RERE: variants seen among roughly 807,000 people sequenced by gnomAD.
The protein encoded by RERE is arginine-glutamic acid dipeptide repeats.
A neutral mutation model predicts 146.1 loss-of-function variants in RERE; 40 were observed. The ratio of observed to expected loss-of-function variants is 0.27; its 90% CI spans 0.21 to 0.36. The LOEUF (loss-of-function observed/expected upper bound fraction) is 0.36. RERE is among the 10% of genes least tolerant of loss of function. The pLI, the probability that RERE is intolerant of heterozygous loss-of-function variation, is 1.00. For missense variants in RERE, 1,933 were observed against 2,138.7 expected (o/e 0.90, Z 1.90); for synonymous variants, 1,003 against 866.0 (o/e 1.16, Z -2.78).
intron 3 of RERE, among the ~76,000 whole-genome samples, chr1:8,615,479 G>T (rs774652098): frequency 6.6e-6 from 1 of 152,170 alleles, no homozygotes; most frequent in Non-Finnish European, 1.5e-5. Context: ...GTATACCTCA[G>T]ATAACAGTTT....
chr1:8,373,810 G>A (rs1368517205), intron 12 of RERE, among the ~76,000 whole-genome samples: 2 of 152,196 alleles, frequency 1.3e-5, no homozygotes, highest in African/African-American at 2.4e-5. Flanking sequence ...GTGAGAAGCC[G>A]GGCACTGGGC....
intron 2 of RERE, among the ~76,000 whole-genome samples, chr1:8,653,496 A>G (rs1009712396): frequency 3.3e-5 from 5 of 152,182 alleles, no homozygotes; most frequent in South Asian, 4.1e-4. Context: ...TCACGAGGTC[A>G]GGAGATCGAG....
At chr1:8,723,830 C>A (rs938304719) in intron 1 of RERE, among the ~76,000 whole-genome samples, 2 of 152,314 alleles carry the variant, frequency 1.3e-5, no homozygotes, top group Non-Finnish European at 2.9e-5. Context: ...AAACCAGAAA[C>A]AACCTACTTT....
intron 1 of RERE, among the ~76,000 whole-genome samples, chr1:8,809,157 A>AAAAAAAAAAAAAATAAATAAAT (rs985140466): frequency 2.1e-5 from 3 of 146,122 alleles, no homozygotes; most frequent in African/African-American, 8.3e-5. Context: ...AAAAAAAAAA[A>AAAAAAAAAAAAAATAAATAAAT]AAAGTACTGA....
At chr1:8,721,398 G>A (rs1358178083) in intron 1 of RERE, among the ~76,000 whole-genome samples, 2 of 152,040 alleles carry the variant, frequency 1.3e-5, no homozygotes, top group African/African-American at 2.4e-5. Context: ...TGTAACCTCC[G>A]TCTCCTAGGT....
At chr1:8,551,884 A>T (rs978812455) in intron 6 of RERE, among the ~76,000 whole-genome samples, 1 of 152,220 alleles carries the variant, frequency 6.6e-6, no homozygotes, top group Non-Finnish European at 1.5e-5. Context: ...ATTATACCAC[A>T]ATGCCAGCCA....
chr1:8,476,695 A>C (rs2124166667), intron 10 of RERE, among the ~76,000 whole-genome samples: 1 of 152,344 alleles, frequency 6.6e-6, no homozygotes, highest in Non-Finnish European at 1.5e-5. Flanking sequence ...GAACAGCAAC[A>C]ACCACATAAA....
intron 7 of RERE, among the ~76,000 whole-genome samples, chr1:8,531,125 C>A (rs181175851): frequency 3.9e-5 from 6 of 152,094 alleles, no homozygotes; most frequent in African/African-American, 1.4e-4. Flanking sequence ...ATCCATCCAT[C>A]CATCCATCCA....
intron 1 of RERE, among the ~76,000 whole-genome samples, chr1:8,662,028 T>C (rs965068293): frequency 3.3e-5 from 5 of 152,230 alleles, no homozygotes; most frequent in African/African-American, 4.8e-5. Flanking sequence ...CTCTCAATCA[T>C]TTCCTGATTA....
rs546879733 is a variant in RERE, at chr1:8,664,490, A to T, written c.-144-8049T>A. ...CCCCTTCAGCTTCAGACACATGTGA[A>T]AACTGTTCACCTGGGGTCTCTTCTT... On this transcript the variant is annotated intron_variant, in intron 1 of 22. Transcript: ENST00000400908. Among the ~76,000 whole-genome samples, 5 of 152,334 alleles carry T rather than the reference A, an allele frequency of 3.3e-5. No individual in the cohort carries two copies. In the South Asian group the frequency reaches 6.2e-4, roughly 19 times the overall value.
intron 8 of RERE, among the ~76,000 whole-genome samples, chr1:8,501,396 C>T (rs1570350080): frequency 1.3e-5 from 1 of 77,540 alleles, no homozygotes; most frequent in South Asian, 4.2e-4. Flanking sequence ...GTCAGCCCCC[C>T]GCCCGGCCAG....
At chr1:8,737,862 G>C (rs943109302) in intron 1 of RERE, among the ~76,000 whole-genome samples, 1 of 152,158 alleles carries the variant, frequency 6.6e-6, no homozygotes, top group Non-Finnish European at 1.5e-5. Context: ...GAAAGCTTAA[G>C]CAAAATGTTA....
intron 4 of RERE, among the ~76,000 whole-genome samples, chr1:8,567,702 T>C (rs1247089879): frequency 1.3e-5 from 2 of 152,338 alleles, no homozygotes; most frequent in East Asian, 1.9e-4. Context: ...TTCATTCTTG[T>C]ATTTGTTTGT....
At chr1:8,650,930 T>C (rs996474446) in intron 2 of RERE, among the ~76,000 whole-genome samples, 1 of 147,800 alleles carries the variant, frequency 6.8e-6, no homozygotes, top group Non-Finnish European at 1.5e-5. Context: ...ATTAAATAAA[T>C]AAATAAATAA....
intron 1 of RERE, among the ~76,000 whole-genome samples, chr1:8,774,566 C>G (rs1452871902): frequency 6.6e-6 from 1 of 151,902 alleles, no homozygotes; most frequent in Non-Finnish European, 1.5e-5. Flanking sequence ...TTGTGTCAGG[C>G]TGGTCTTGAA....
intron 12 of RERE, among the ~76,000 whole-genome samples, chr1:8,401,269 A>C (rs565484424): frequency 7.2e-6 from 1 of 138,168 alleles, no homozygotes; most frequent in African/African-American, 2.9e-5. Context: ...CGGCCAAGAC[A>C]GTATCTCCCA....
At chr1:8,415,109 A>T (rs1355878927) in intron 12 of RERE, among the ~76,000 whole-genome samples, 1 of 152,226 alleles carries the variant, frequency 6.6e-6, no homozygotes, top group Non-Finnish European at 1.5e-5. Context: ...TATTTTTAAA[A>T]TATCAGCAAA....
chr1:8,433,262 C>T (rs977823504), intron 11 of RERE, among the ~76,000 whole-genome samples: 1 of 152,130 alleles, frequency 6.6e-6, no homozygotes. Flanking sequence ...ATGGAACAGT[C>T]GTAAAGCAGG....
intron 4 of RERE, among the ~76,000 whole-genome samples, chr1:8,589,511 G>C (rs1470011908): frequency 6.6e-6 from 1 of 152,150 alleles, no homozygotes; most frequent in Non-Finnish European, 1.5e-5. Context: ...TAAATTCCAA[G>C]TATTTACTCA....
Sources: gnomAD v4.1 joint callset for allele counts (sites outside exome capture counted in the v4.1 genomes callset) on GRCh38, gnomAD v4.1.1 for gene constraint, MANE v1.5 for transcripts, NCBI Gene and HGNC (gene_info 2026-07-23, HGNC 2026-07-21) for gene names.